Variants in PIPOX observed in about 807,000 individuals in gnomAD.
The protein encoded by PIPOX is peroxisomal sarcosine oxidase.
Under a neutral mutation model 47.9 loss-of-function variants are expected in PIPOX, and 45 were observed. That is an observed-to-expected ratio of 0.94 (90% confidence interval 0.74 to 1.20). The LOEUF is 1.20. Among genes scored for constraint, PIPOX ranks in the 50% most tolerant of loss-of-function variants. PIPOX has a pLI of 0.00. For synonymous variants in PIPOX, 165 were observed against 191.3 expected, an observed-to-expected ratio of 0.86 and a Z score of 1.13; for missense variants, 458 against 498.4, an observed-to-expected ratio of 0.92 and a Z score of 0.77.
intron 2 of PIPOX, among the ~76,000 whole-genome samples, chr17:29,045,503 C>T (rs751509043): frequency 4.9e-4 from 72 of 148,026 alleles, no homozygotes; most frequent in African/African-American, 1.4e-3. Context: ...CTCCACCTCC[C>T]GGGTTCAAGT....
In PIPOX at chr17:29,054,982, T is replaced by C. The variant is rs2065821492; in HGVS notation, c.808-81T>C. 2.6e-6 allele frequency: 4 copies of C among 1,557,512 alleles called. No individual in the cohort carries two copies. The Admixed American group carries it at 6.7e-5, about 26-fold the overall frequency. Reference sequence around the variant, plus strand: ...GCTGGAATGATGGATGGGGCTGTCCTGTGTACACGCCTGCCCTTCGGCTGT... The same window carrying C: ...GCTGGAATGATGGATGGGGCTGTCCCGTGTACACGCCTGCCCTTCGGCTGT... On this transcript the variant is annotated intron_variant, in intron 5 of 7. Transcript: ENST00000323372.
chr17:29,043,304 G>A lies in PIPOX; in HGVS notation c.79G>A (p.Ala27Thr). ...GGGCTGCTTCACTGCATACCACCTG[G>A]CCAAACACAGGAAGAGGATCCTCCT... Reference protein sequence around the residue: ...IQGCFTAYHLAKHRKRILLLE... With the variant: ...IQGCFTAYHLTKHRKRILLLE... Residue 27 changes from alanine to threonine, a missense_variant, in exon 1 of 8, where the codon GCC (alanine) becomes ACC (threonine). By Grantham distance (58) the Ala-to-Thr change is moderately conservative. Transcript: ENST00000323372. The A allele has an allele frequency of 6.2e-7, 1 of 1,613,712 alleles. No individual in the cohort carries two copies. The highest frequency in any genetic ancestry group is 8.5e-7 in the Non-Finnish European group (1 of 1,179,716).
At position 29,054,538 on chromosome 17, in the gene PIPOX, C is replaced by A. The variant is rs1172826013; in HGVS notation, c.661-7C>A. ...CTTCATTTCCCACTTCCTCTCCCTGCCTCAAGACCCTGCGGATCAACGTGT... is the reference window on the plus strand; with the variant it reads ...CTTCATTTCCCACTTCCTCTCCCTGACTCAAGACCCTGCGGATCAACGTGT... On this transcript the variant is annotated splice_polypyrimidine_tract_variant and splice_region_variant and intron_variant, in intron 4 of 7. Transcript: ENST00000323372. The A allele has an allele frequency of 2.5e-6, 4 of 1,613,904 alleles. No individual in the cohort carries two copies. The highest frequency in any genetic ancestry group is 3.4e-6 in the Non-Finnish European group (4 of 1,179,818).
At position 29,056,189 on chromosome 17, in the gene PIPOX, C is replaced by G; in HGVS notation, c.1057C>G (p.Leu353Val). The change falls in exon 8 of 8, where the codon CTG becomes GTG. Residue 353 changes from leucine to valine, a missense_variant. Coordinates refer to ENST00000323372, the MANE Select transcript of PIPOX (RefSeq NM_016518.3). Reference protein sequence around the residue: ...GAGFSGHGFKLAPVVGKILYE... With the variant: ...GAGFSGHGFKVAPVVGKILYE... ...TCCCTTCCTAGGGCACGGGTTCAAG[C>G]TGGCCCCTGTGGTGGGGAAGATCCT... 6.2e-7 allele frequency: 1 copy of G among 1,614,188 alleles called. No individual in the cohort carries two copies. The highest frequency in any genetic ancestry group is 8.5e-7 in the Non-Finnish European group (1 of 1,180,016).
Position 29,049,117 on chromosome 17 carries a change from C to T in PIPOX, c.264-3803C>T, listed in dbSNP as rs77746356. 8.1e-3 allele frequency among the ~76,000 whole-genome samples: 1,236 copies of T among 152,288 alleles called. 14 individuals carry two copies. The highest frequency in any genetic ancestry group is 0.028 in the African/African-American group (1,146 of 41,562). ...GCTATAGCAGAGTCAACAAGGCCCTCGGGAGGAATCTTCAATTACCTCTTC... is the reference window on the plus strand; with the variant it reads ...GCTATAGCAGAGTCAACAAGGCCCTTGGGAGGAATCTTCAATTACCTCTTC... On this transcript the variant is annotated intron_variant, in intron 2 of 7. Transcript: ENST00000323372.
At position 29,053,016 on chromosome 17, in the gene PIPOX, T is replaced by G; in HGVS notation, c.360T>G (p.Leu120=). ...GGCAGAGGGTAGAACACCAGTGTCT[T>G]TCATCTGAGGAACTGAAGCAACGTT... The part of the protein sequence containing the change: ...LSRQRVEHQC[L]SSEELKQRFP... The change falls in exon 3 of 8, where the codon CTT becomes CTG. Residue 120 remains leucine (L), a synonymous_variant. Transcript: ENST00000323372. 1 of 1,614,226 alleles carries G rather than the reference T, an allele frequency of 6.2e-7. No homozygotes were observed. Among genetic ancestry groups the G allele is most frequent in the South Asian group, 1.1e-5 (1 of 91,088 alleles).
chr17:29,051,824 G>A (rs892835147), intron 2 of PIPOX: 1 of 414,654 alleles, frequency 2.4e-6, no homozygotes, highest in Non-Finnish European at 5.0e-6. Context: ...AGCATTGCAG[G>A]TGTAGCATCC....
In PIPOX at chr17:29,055,079, G is replaced by A. The variant is rs200945242; in HGVS notation, c.824G>A (p.Gly275Asp). 6.2e-7 allele frequency: 1 copy of A among 1,614,050 alleles called. No individual in the cohort carries two copies. The highest frequency in any genetic ancestry group is 2.2e-5 in the East Asian group (1 of 44,890). Residue 275 changes from glycine (G) to aspartate (D), a missense_variant, in exon 6 of 8, where the codon GGC becomes GAC. By Grantham distance (94) the Gly-to-Asp change is moderately conservative (BLOSUM62 -1). Coordinates refer to ENST00000323372, the MANE Select transcript of PIPOX (RefSeq NM_016518.3). ...GGGAGCCAGGTCAGCTATCACCACGGCAACCACGCAGACCCTGAGGAGCGG... is the reference window on the plus strand; with the variant it reads ...GGGAGCCAGGTCAGCTATCACCACGACAACCACGCAGACCCTGAGGAGCGG... ...PGLMKVSYHH[G>D]NHADPEERDC...
intron 2 of PIPOX, among the ~76,000 whole-genome samples, chr17:29,050,415 C>T (rs972581287): frequency 6.6e-6 from 1 of 152,192 alleles, no homozygotes; most frequent in African/African-American, 2.4e-5. Flanking sequence ...TTTACTAGGG[C>T]CGGGCACAGT....
chr17:29,049,023 T>G (rs150581333), intron 2 of PIPOX, among the ~76,000 whole-genome samples: 1 of 152,264 alleles, frequency 6.6e-6, no homozygotes, highest in African/African-American at 2.4e-5. Context: ...CTACACCCTG[T>G]CCTGCTACAG....
chr17:29,051,123 GA>G lies in PIPOX; in HGVS notation c.264-1786del, dbSNP rs201326021. Among the ~76,000 whole-genome samples, 138 of 146,060 alleles carry G rather than the reference GA, an allele frequency of 9.4e-4. 1 individual carries two copies. The highest frequency in any genetic ancestry group is 2.8e-3 in the South Asian group (13 of 4,586). The stretch of plus-strand genomic sequence containing the variant: ...ATGACAGAGCAAGACTCTGTCTTGG[GA>G]AAAAAAAAAAGTTTACTAGGTAAGT... On this transcript the variant is annotated intron_variant, in intron 2 of 7. Transcript: ENST00000323372.
chr17:29,052,509 C>A lies in PIPOX; in HGVS notation c.264-411C>A, dbSNP rs534348786. Among the ~76,000 whole-genome samples the A allele has an allele frequency of 2.6e-5, 4 of 152,330 alleles. No individual in the cohort carries two copies. The South Asian group carries it at 8.3e-4, about 32-fold the overall frequency. The stretch of plus-strand genomic sequence containing the variant: ...CATGAGGCCATGACTCCTCTCAGGG[C>A]CTACACCTGGACCCGAGATCCCTCC... On this transcript the variant is annotated intron_variant, in intron 2 of 7. Transcript: ENST00000323372.
chr17:29,055,543 C>T (rs929742855), intron 6 of PIPOX, among the ~76,000 whole-genome samples: 1 of 152,244 alleles, frequency 6.6e-6, no homozygotes, highest in African/African-American at 2.4e-5. Flanking sequence ...AGACAGATGT[C>T]ACCACGGCCT....
rs2065821958 is a variant in PIPOX at position 29,055,049 on chromosome 17, T to C, written c.808-14T>C. 6.2e-7 allele frequency: 1 copy of C among 1,613,952 alleles called. No homozygotes were observed. The highest frequency in any genetic ancestry group is 8.5e-7 in the Non-Finnish European group (1 of 1,179,998). Reference sequence around the variant, plus strand: ...CCAGCCCTCACCACTCATGCCACTCTGATTGGGAGCCAGGTCAGCTATCAC... The same window carrying C: ...CCAGCCCTCACCACTCATGCCACTCCGATTGGGAGCCAGGTCAGCTATCAC... On this transcript the variant is annotated splice_polypyrimidine_tract_variant and intron_variant, in intron 5 of 7. Coordinates refer to ENST00000323372, the MANE Select transcript of PIPOX (RefSeq NM_016518.3).
intron 5 of PIPOX, 139 bp from the exon 6 acceptor site, chr17:29,054,924 G>A: frequency 8.2e-7 from 1 of 1,225,712 alleles, no homozygotes. Flanking sequence ...AGCCTCAGGT[G>A]ACAGCCCACA....
intron 2 of PIPOX, among the ~76,000 whole-genome samples, chr17:29,049,676 T>C (rs949678894): frequency 8.5e-5 from 13 of 152,154 alleles, no homozygotes; most frequent in African/African-American, 2.9e-4. Flanking sequence ...GTGTTTTACA[T>C]TTATTTCCGA....
At chr17:29,052,076 CA>C in intron 2 of PIPOX, 1 of 469,228 alleles carries the variant, frequency 2.1e-6, no homozygotes, top group Non-Finnish European at 4.4e-6. Flanking sequence ...CCAGATCTCT[CA>C]GTTTAGGACC....
Position 29,054,647 on chromosome 17 carries a change from C to G in PIPOX, c.763C>G (p.His255Asp). 1 of 1,614,182 alleles carries G rather than the reference C, an allele frequency of 6.2e-7. No homozygotes were observed. Residue 255 changes from histidine (H) to aspartate (D), a missense_variant, in exon 5 of 8, where the codon CAC (histidine) becomes GAC (aspartate). Transcript: ENST00000323372. Reference sequence around the variant, plus strand: ...CCTGTGGCTGGGCTTGTGTCCCCACCACATCTACGGACTGCCCACAGGAGA... The same window carrying G: ...CCTGTGGCTGGGCTTGTGTCCCCACGACATCTACGGACTGCCCACAGGAGA... ...CFLWLGLCPH[H>D]IYGLPTGEYP...
At chr17:29,045,242 G>A (rs2065780858) in intron 2 of PIPOX, among the ~76,000 whole-genome samples, 1 of 152,154 alleles carries the variant, frequency 6.6e-6, no homozygotes, top group Non-Finnish European at 1.5e-5. Flanking sequence ...TCCAAGGCTA[G>A]CAGAAGCAGT....
Sources: allele counts gnomAD v4.1 joint callset (sites outside exome capture counted in the v4.1 genomes callset), GRCh38; gene constraint gnomAD v4.1.1; transcripts MANE v1.5; gene names NCBI Gene and HGNC (gene_info 2026-07-23, HGNC 2026-07-21).